The following ASIC2 variants were observed in gnomAD, a reference collection of about 807,000 sequenced individuals.
ASIC2 encodes acid-sensing ion channel 2.
Under a neutral mutation model 57.3 loss-of-function variants are expected in ASIC2, and 25 were observed. The ratio of observed to expected loss-of-function variants is 0.44; its 90% CI spans 0.32 to 0.61. The LOEUF (loss-of-function observed/expected upper bound fraction) is 0.61, where lower values mean the gene tolerates loss of function less well. ASIC2 is among the 20% of genes least tolerant of loss of function. ASIC2 has a pLI of 0.06. For missense variants in ASIC2, 641 were observed against 738.1 expected, an observed-to-expected ratio of 0.87 and a Z score of 1.52; for synonymous variants, 319 against 307.5, an observed-to-expected ratio of 1.04 and a Z score of -0.39.
At chr17:33,483,928 G>A (rs1913494860) in intron 1 of ASIC2, among the ~76,000 whole-genome samples, 1 of 152,162 alleles carries the variant, frequency 6.6e-6, no homozygotes, top group Non-Finnish European at 1.5e-5. Flanking sequence ...TGGTATCACA[G>A]GGGTCCTTGG....
At chr17:33,142,606 TG>T (rs1218431772) in intron 1 of ASIC2, among the ~76,000 whole-genome samples, 1 of 152,182 alleles carries the variant, frequency 6.6e-6, no homozygotes, top group Non-Finnish European at 1.5e-5. Context: ...CAAGTGAGGC[TG>T]GTATGGGGCT....
At chr17:33,248,102 G>A (rs1041068680) in intron 1 of ASIC2, among the ~76,000 whole-genome samples, 3 of 152,210 alleles carry the variant, frequency 2.0e-5, no homozygotes, top group African/African-American at 4.8e-5. Flanking sequence ...GGTTGGTCAT[G>A]CTTGGTCTCA....
At chr17:33,015,147 A>C (rs2091799095) in intron 9 of ASIC2, among the ~76,000 whole-genome samples, 1 of 152,160 alleles carries the variant, frequency 6.6e-6, no homozygotes, top group Non-Finnish European at 1.5e-5. Context: ...TATAGGGAGA[A>C]GGGGCTGGGA....
At chr17:33,785,636 A>T (rs1197222066) in intron 1 of ASIC2, among the ~76,000 whole-genome samples, 1 of 152,210 alleles carries the variant, frequency 6.6e-6, no homozygotes, top group African/African-American at 2.4e-5. Context: ...TGTGAATCAC[A>T]GATGTGGGTT....
intron 1 of ASIC2, among the ~76,000 whole-genome samples, chr17:34,052,427 T>C (rs571299726): frequency 1.3e-5 from 2 of 152,142 alleles, no homozygotes; most frequent in South Asian, 2.1e-4. Flanking sequence ...CCGAAAAGAC[T>C]GTTCATGGCA....
chr17:33,200,689 T>C (rs1398981174), intron 1 of ASIC2, among the ~76,000 whole-genome samples: 3 of 152,216 alleles, frequency 2.0e-5, no homozygotes, highest in African/African-American at 7.2e-5. Flanking sequence ...ACCTTGATTA[T>C]TGCAGTAGCT....
intron 1 of ASIC2, among the ~76,000 whole-genome samples, chr17:33,798,844 G>C (rs1433654912): frequency 6.6e-6 from 1 of 152,174 alleles, no homozygotes; most frequent in Non-Finnish European, 1.5e-5. Flanking sequence ...GCAATGGTCA[G>C]GGGAAAATGC....
At chr17:33,346,083 C>T (rs1907929844) in intron 1 of ASIC2, among the ~76,000 whole-genome samples, 1 of 151,814 alleles carries the variant, frequency 6.6e-6, no homozygotes, top group Non-Finnish European at 1.5e-5. Context: ...AAAAATTAGT[C>T]AGGCATGGTC....
At chr17:33,659,269 C>G (rs945759609) in intron 1 of ASIC2, among the ~76,000 whole-genome samples, 4 of 152,158 alleles carry the variant, frequency 2.6e-5, no homozygotes, top group African/African-American at 9.7e-5. Flanking sequence ...TCCTCAAACC[C>G]AACCCCTCCA....
intron 1 of ASIC2, among the ~76,000 whole-genome samples, chr17:33,982,674 T>A (rs901676984): frequency 6.6e-6 from 1 of 152,218 alleles, no homozygotes; most frequent in African/African-American, 2.4e-5. Context: ...TAAATTCCTA[T>A]CTACCTTTGA....
chr17:34,132,329 G>A (rs1199373825), intron 1 of ASIC2, among the ~76,000 whole-genome samples: 3 of 152,150 alleles, frequency 2.0e-5, no homozygotes, highest in Non-Finnish European at 4.4e-5. Flanking sequence ...AAGATTTATT[G>A]TGAAGAACAA....
At chr17:33,366,572 A>G (rs975491360) in intron 1 of ASIC2, among the ~76,000 whole-genome samples, 23 of 152,188 alleles carry the variant, frequency 1.5e-4, no homozygotes, top group Admixed American at 1.0e-3. Context: ...TAGATCAAGG[A>G]TCCTTTCTTA....
intron 1 of ASIC2, among the ~76,000 whole-genome samples, chr17:33,779,967 C>CTTTTTTTTTTTTTTTTTTTT (rs759850922): frequency 1.2e-5 from 1 of 85,206 alleles, no homozygotes; most frequent in Non-Finnish European, 2.1e-5. Context: ...CTACAGAAGC[C>CTTTTTTTTTTTTTTTTTTTT]TTTTTTTTTT....
chr17:33,080,376 A>C (rs188850979), intron 3 of ASIC2, among the ~76,000 whole-genome samples: 318 of 152,148 alleles, frequency 2.1e-3, no homozygotes, highest in African/African-American at 7.1e-3. Context: ...TGACAAAGAA[A>C]AGTTTCAGTG....
At chr17:33,464,521 T>TTTC (rs1912772158) in intron 1 of ASIC2, among the ~76,000 whole-genome samples, 1 of 38,476 alleles carries the variant, frequency 2.6e-5, no homozygotes, top group Non-Finnish European at 5.9e-5. Context: ...TCTTTCTTTC[T>TTTC]TTCTTTCTTT....
chr17:33,900,780 C>A (rs1016793516), intron 1 of ASIC2, among the ~76,000 whole-genome samples: 1 of 152,142 alleles, frequency 6.6e-6, no homozygotes, highest in Non-Finnish European at 1.5e-5. Flanking sequence ...GTGGGGGCTG[C>A]CCATTCAACT....
intron 1 of ASIC2, among the ~76,000 whole-genome samples, chr17:33,891,422 G>A (rs1597918933): frequency 2.0e-5 from 3 of 152,232 alleles, no homozygotes; most frequent in East Asian, 3.9e-4. Context: ...TTGGGCATGA[G>A]GTCATCGGCC....
intron 1 of ASIC2, among the ~76,000 whole-genome samples, chr17:33,245,096 T>C (rs1314401540): frequency 3.3e-5 from 5 of 152,218 alleles, no homozygotes; most frequent in African/African-American, 4.8e-5. Flanking sequence ...TCATTATAAC[T>C]GTATGACAAC....
At chr17:33,386,660 G>T (rs1909690039) in intron 1 of ASIC2, among the ~76,000 whole-genome samples, 1 of 152,098 alleles carries the variant, frequency 6.6e-6, no homozygotes, top group South Asian at 2.1e-4. Flanking sequence ...GATCTGTTGG[G>T]TCACATACGC....
Sources: allele counts gnomAD v4.1 joint callset (sites outside exome capture counted in the v4.1 genomes callset), GRCh38; gene constraint gnomAD v4.1.1; transcripts MANE v1.5; gene names NCBI Gene and HGNC (gene_info 2026-07-23, HGNC 2026-07-21).